The following SPAG16 variants were observed in gnomAD, a reference collection of about 807,000 sequenced individuals.
SPAG16 encodes the protein sperm associated antigen 16.
In SPAG16, 86 loss-of-function variants were observed where a neutral mutation model predicts 80.4. The ratio of observed to expected loss-of-function variants is 1.07; its 90% CI spans 0.90 to 1.28. The LOEUF (loss-of-function observed/expected upper bound fraction) is 1.28. Among genes scored for constraint, SPAG16 ranks in the 50% most tolerant of loss-of-function variants. The pLI, the probability that SPAG16 is intolerant of heterozygous loss-of-function variation, is 0.00. For synonymous variants in SPAG16, 294 were observed against 265.9 expected (o/e 1.11, Z -1.03); for missense variants, 870 against 765.3 (o/e 1.14, Z -1.61).
At chr2:213,601,147 T>A (rs1239676780) in intron 10 of SPAG16, among the ~76,000 whole-genome samples, 1 of 152,230 alleles carries the variant, frequency 6.6e-6, no homozygotes, top group Admixed American at 6.5e-5. Context: ...GAAAAAAGTT[T>A]GTCCAGGTAT....
intron 10 of SPAG16, among the ~76,000 whole-genome samples, chr2:213,801,698 G>A (rs1318454569): frequency 6.6e-6 from 1 of 152,296 alleles, no homozygotes; most frequent in South Asian, 2.1e-4. Flanking sequence ...GAGACTCTGA[G>A]ATGGAACTTT....
intron 15 of SPAG16, among the ~76,000 whole-genome samples, chr2:214,271,842 A>AC (rs201033653): frequency 0.15 from 20,654 of 134,918 alleles, 1,574 homozygotes; most frequent in Middle Eastern, 0.24. Flanking sequence ...ACTGTGGGAA[A>AC]CCCCCCCCCC....
At position 213,833,554 on chromosome 2, in the gene SPAG16, TA is replaced by T. The variant is rs2073895166; in HGVS notation, c.1071-28930del. On this transcript the variant is annotated intron_variant, in intron 10 of 15. Coordinates refer to ENST00000331683, the MANE Select transcript of SPAG16 (RefSeq NM_024532.5). ...TATTATATATAATATATATAATATA[TA>T]TAATATATATAATATATATATAATA... 1.6e-3 allele frequency among the ~76,000 whole-genome samples: 7 copies of T among 4,362 alleles called. 3 individuals carry two copies. The highest frequency in any genetic ancestry group is 6.3e-3 in the Admixed American group (1 of 158). The allele number at this position is 4,362 out of a possible 152,430, so 2.9% of individuals were successfully genotyped here.
chr2:213,439,096 C>A (rs1604690), intron 9 of SPAG16, among the ~76,000 whole-genome samples: 1 of 152,150 alleles, frequency 6.6e-6, no homozygotes, highest in East Asian at 1.9e-4. Context: ...TTGATTTCAG[C>A]CTGGGGAGAT....
chr2:213,712,865 G>T (rs1353015891), intron 10 of SPAG16, among the ~76,000 whole-genome samples: 1 of 152,118 alleles, frequency 6.6e-6, no homozygotes, highest in Non-Finnish European at 1.5e-5. Flanking sequence ...TGGTGGCAGG[G>T]CGAGGAGATA....
intron 12 of SPAG16, among the ~76,000 whole-genome samples, chr2:213,986,472 A>G (rs965261255): frequency 2.0e-5 from 3 of 152,030 alleles, no homozygotes; most frequent in Admixed American, 6.6e-5. Flanking sequence ...GATTATGTTT[A>G]TGTTTATACA....
At chr2:213,667,570 T>A (rs2063654842) in intron 10 of SPAG16, among the ~76,000 whole-genome samples, 1 of 152,194 alleles carries the variant, frequency 6.6e-6, no homozygotes. Flanking sequence ...AAGAAGAAAG[T>A]GATACTTCTA....
intron 15 of SPAG16, among the ~76,000 whole-genome samples, chr2:214,272,692 T>C (rs1465136570): frequency 6.6e-6 from 1 of 152,220 alleles, no homozygotes. Context: ...AGTGTATCAC[T>C]GATGGATAGT....
chr2:214,020,565 A>AGT (rs1390951955), intron 13 of SPAG16, among the ~76,000 whole-genome samples: 5 of 152,174 alleles, frequency 3.3e-5, no homozygotes, highest in African/African-American at 1.2e-4. Context: ...ACTGTAATTC[A>AGT]GTGATTCACA....
At chr2:214,171,607 C>A (rs1200446144) in intron 15 of SPAG16, among the ~76,000 whole-genome samples, 3 of 151,836 alleles carry the variant, frequency 2.0e-5, no homozygotes, top group Non-Finnish European at 4.4e-5. Context: ...TTCTCAGCAA[C>A]TTTTCTTTGC....
At chr2:214,202,179 T>C (rs2058027694) in intron 15 of SPAG16, among the ~76,000 whole-genome samples, 1 of 152,224 alleles carries the variant, frequency 6.6e-6, no homozygotes, top group African/African-American at 2.4e-5. Flanking sequence ...GTTTATTTAC[T>C]TTGGATGTGG....
chr2:214,213,669 C>A (rs887891829), intron 15 of SPAG16, among the ~76,000 whole-genome samples: 12 of 152,146 alleles, frequency 7.9e-5, no homozygotes, highest in Non-Finnish European at 1.8e-4. Context: ...TGGAAACTGT[C>A]CCCTGGAATG....
chr2:214,020,958 TC>T (rs1287169268), intron 13 of SPAG16, among the ~76,000 whole-genome samples: 11 of 152,182 alleles, frequency 7.2e-5, no homozygotes, highest in African/African-American at 2.7e-4. Flanking sequence ...TAAGTTTCTT[TC>T]GAAAATGGTG....
chr2:213,710,426 A>G (rs2065933931), intron 10 of SPAG16, among the ~76,000 whole-genome samples: 1 of 152,202 alleles, frequency 6.6e-6, no homozygotes, highest in Admixed American at 6.5e-5. Flanking sequence ...AAGTCTCTGG[A>G]ACAAGGGTAT....
At chr2:213,694,837 A>T (rs1158686749) in intron 10 of SPAG16, among the ~76,000 whole-genome samples, 2 of 150,564 alleles carry the variant, frequency 1.3e-5, no homozygotes, top group Non-Finnish European at 3.0e-5. Flanking sequence ...TGTAAGTATT[A>T]TTGCACTCCA....
intron 15 of SPAG16, among the ~76,000 whole-genome samples, chr2:214,234,308 T>G (rs1283298786): frequency 1.3e-5 from 2 of 152,218 alleles, no homozygotes; most frequent in East Asian, 3.8e-4. Context: ...TTTAGGTTGA[T>G]TCCATGTCTT....
At position 214,135,723 on chromosome 2, in the gene SPAG16, G is replaced by GTCTCTCTC. The variant is rs372301135; in HGVS notation, c.1594-13398_1594-13391dup. Among the ~76,000 whole-genome samples the GTCTCTCTC allele has an allele frequency of 7.0e-4, 102 of 145,762 alleles. No homozygotes were observed. The East Asian group carries it at 0.012, about 17-fold the overall frequency. Reference sequence around the variant, plus strand: ...TATCTCTCTCTCTCTCTGTCTCTCTGTCTCTCTCTCTCTCTCTCTCTCTCT... The same window carrying GTCTCTCTC: ...TATCTCTCTCTCTCTCTGTCTCTCTGTCTCTCTCTCTCTCTCTCTCTCTCTCTCTCTCT... On this transcript the variant is annotated intron_variant, in intron 14 of 15. Coordinates refer to ENST00000331683, the MANE Select transcript of SPAG16 (RefSeq NM_024532.5).
chr2:214,106,265 A>G (rs2053378862), intron 13 of SPAG16, among the ~76,000 whole-genome samples: 1 of 152,182 alleles, frequency 6.6e-6, no homozygotes, highest in Non-Finnish European at 1.5e-5. Flanking sequence ...ATAATATAAA[A>G]AACTATGACA....
intron 1 of SPAG16, among the ~76,000 whole-genome samples, chr2:213,293,104 ATGAG>A (rs2062361430): frequency 6.6e-6 from 1 of 152,118 alleles, no homozygotes. Flanking sequence ...TCTTGTGATA[ATGAG>A]TGAGTATCGC....
Sources: gnomAD v4.1 joint callset for allele counts (sites outside exome capture counted in the v4.1 genomes callset) on GRCh38, gnomAD v4.1.1 for gene constraint, MANE v1.5 for transcripts, NCBI Gene and HGNC (gene_info 2026-07-23, HGNC 2026-07-21) for gene names.